NDUFAF6: variants seen among roughly 807,000 people sequenced by gnomAD.
NDUFAF6 encodes NADH:ubiquinone oxidoreductase complex assembly factor 6, also known as NADH dehydrogenase (ubiquinone) complex I, assembly factor 6.
A neutral mutation model predicts 40.8 loss-of-function variants in NDUFAF6; 45 were observed. That is an observed-to-expected ratio of 1.10 (90% CI 0.87 to 1.42). The LOEUF (loss-of-function observed/expected upper bound fraction) is 1.42, where lower values mean the gene tolerates loss of function less well. Among genes scored for constraint, NDUFAF6 ranks in the 40% most tolerant of loss-of-function variants. NDUFAF6 has a pLI of 0.00. For missense variants in NDUFAF6, 435 were observed against 418.5 expected, an observed-to-expected ratio of 1.04 and a Z score of -0.34; for synonymous variants, 185 against 155.9, an observed-to-expected ratio of 1.19 and a Z score of -1.39.
At chr8:95,053,925 CTTTTTTTTTT>C (rs71273448) in intron 8 of NDUFAF6, among the ~76,000 whole-genome samples, 12 of 37,042 alleles carry the variant, frequency 3.2e-4, no homozygotes, top group South Asian at 2.0e-3. Flanking sequence ...CCGTGCCCGG[CTTTTTTTTTT>C]TTTTTTTTTT....
At chr8:94,915,293 T>A (rs1382456813) in intron 1 of NDUFAF6, among the ~76,000 whole-genome samples, 1 of 152,176 alleles carries the variant, frequency 6.6e-6, no homozygotes, top group African/African-American at 2.4e-5. Flanking sequence ...AGTATTTAGC[T>A]CTCACTTATG....
At chr8:94,940,275 G>T (rs746313994) in intron 1 of NDUFAF6, 166 of 1,529,232 alleles carry the variant, frequency 1.1e-4, no homozygotes, top group Non-Finnish European at 1.1e-5. Flanking sequence ...TCCCACAGGA[G>T]GATGATTATC....
At chr8:95,106,332 A>G (rs1809843744), downstream of NDUFAF6, among the ~76,000 whole-genome samples, 1 of 152,102 alleles carries the variant, frequency 6.6e-6, no homozygotes, top group African/African-American at 2.4e-5. Flanking sequence ...AATACCGCAC[A>G]TCTACAACCA....
At chr8:94,980,643 G>GGGGGGGGGGGGTT (rs1465220206) in intron 1 of NDUFAF6, among the ~76,000 whole-genome samples, 1 of 97,762 alleles carries the variant, frequency 1.0e-5, no homozygotes, top group Non-Finnish European at 2.0e-5. Context: ...GGGTGGGGGG[G>GGGGGGGGGGGGTT]TCTCACCATG....
At chr8:95,039,555 G>A (rs932304197) in intron 3 of NDUFAF6, among the ~76,000 whole-genome samples, 1 of 151,562 alleles carries the variant, frequency 6.6e-6, no homozygotes, top group African/African-American at 2.4e-5. Flanking sequence ...TGGTATTACA[G>A]GTATTAGCCA....
chr8:94,998,379 T>TACACACACACAC (rs200968954), intron 2 of NDUFAF6, among the ~76,000 whole-genome samples: 35 of 138,328 alleles, frequency 2.5e-4, no homozygotes, highest in African/African-American at 2.6e-4. Context: ...TGCAATCAAA[T>TACACACACACAC]ACACACACAC....
intron 1 of NDUFAF6, among the ~76,000 whole-genome samples, chr8:94,920,995 A>G (rs1006935426): frequency 1.3e-5 from 2 of 152,168 alleles, no homozygotes; most frequent in Non-Finnish European, 2.9e-5. Flanking sequence ...ACTAGCCTTA[A>G]GAAAATTTAA....
intron 1 of NDUFAF6, chr8:94,931,947 G>T: frequency 1.1e-6 from 1 of 912,028 alleles, no homozygotes; most frequent in Non-Finnish European, 1.6e-6. Context: ...ACTCCAGCCT[G>T]AGTGACAGAG....
At position 94,930,532 on chromosome 8, in the gene NDUFAF6, T is replaced by G. The variant is rs774428478; in HGVS notation, c.-935-14951T>G. 6.2e-6 allele frequency: 10 copies of G among 1,614,126 alleles called. No individual in the cohort carries two copies. In the African/African-American group the frequency reaches 6.7e-5, roughly 11 times the overall value. On this transcript the variant is annotated intron_variant, in intron 1 of 14. Coordinates refer to the NDUFAF6 transcript ENST00000396113. ...TGATGAACAACCCAGCCATTGTGCTTGACTTGCCGAGGGTGGCAATCCCTG... is the reference window on the plus strand; with the variant it reads ...TGATGAACAACCCAGCCATTGTGCTGGACTTGCCGAGGGTGGCAATCCCTG...
intron 2 of NDUFAF6, chr8:94,988,410 G>GA: frequency 6.6e-6 from 1 of 152,178 alleles, no homozygotes; most frequent in African/African-American, 2.4e-5. Flanking sequence ...GAACAACAGA[G>GA]AAAAGAAAAA....
chr8:95,110,243 G>A (rs1016437959), intron 4 of NDUFAF6, among the ~76,000 whole-genome samples: 1 of 152,146 alleles, frequency 6.6e-6, no homozygotes, highest in Admixed American at 6.5e-5. Context: ...TTAGTATCTC[G>A]CCTACAACAA....
chr8:95,029,818 C>T (rs898891966), intron 1 of NDUFAF6, among the ~76,000 whole-genome samples: 1 of 152,176 alleles, frequency 6.6e-6, no homozygotes, highest in African/African-American at 2.4e-5. Context: ...TCATATCAGG[C>T]AGCACATGAC....
chr8:95,062,985 G>A (rs374016235), downstream of NDUFAF6, among the ~76,000 whole-genome samples: 2 of 152,164 alleles, frequency 1.3e-5, no homozygotes, highest in East Asian at 3.9e-4. Flanking sequence ...TGTGGTGTCT[G>A]GGCAACACAT....
chr8:94,999,701 G>A (rs1826628764), intron 2 of NDUFAF6, among the ~76,000 whole-genome samples: 1 of 152,196 alleles, frequency 6.6e-6, no homozygotes, highest in African/African-American at 2.4e-5. Flanking sequence ...ACAGGCGTGA[G>A]CCACCACACC....
In NDUFAF6 at chr8:94,978,863, C is replaced by T. The variant is rs182300486; in HGVS notation, c.-198-1996C>T. Among the ~76,000 whole-genome samples the T allele has an allele frequency of 7.9e-5, 12 of 152,300 alleles. No individual in the cohort carries two copies. In the East Asian group the frequency reaches 2.1e-3, roughly 27 times the overall value. ...CTAGGGACTCACTACCTGCAGTTGGCATCTGAAGTTTGGGGGCAGTTTTGT... is the reference window on the plus strand; with the variant it reads ...CTAGGGACTCACTACCTGCAGTTGGTATCTGAAGTTTGGGGGCAGTTTTGT... On this transcript the variant is annotated intron_variant, in intron 1 of 9. Coordinates refer to the NDUFAF6 transcript ENST00000396111.
chr8:94,992,305 G>A (rs909908557), intron 2 of NDUFAF6, among the ~76,000 whole-genome samples: 1 of 152,040 alleles, frequency 6.6e-6, no homozygotes, highest in Non-Finnish European at 1.5e-5. Context: ...TGGCCAACAT[G>A]GTGAAACCCC....
At chr8:95,052,483 C>T (rs533568292) in intron 8 of NDUFAF6, among the ~76,000 whole-genome samples, 1 of 152,310 alleles carries the variant, frequency 6.6e-6, no homozygotes, top group South Asian at 2.1e-4. Flanking sequence ...TGTTTTGCCC[C>T]TTACTAGCAA....
chr8:95,104,183 T>G (rs534245755), downstream of NDUFAF6, among the ~76,000 whole-genome samples: 1 of 152,330 alleles, frequency 6.6e-6, no homozygotes, highest in Admixed American at 6.5e-5. Context: ...TATTTTAAAT[T>G]CTAATTCATT....
chr8:94,917,399 A>C (rs1370093088), intron 1 of NDUFAF6, among the ~76,000 whole-genome samples: 1 of 152,238 alleles, frequency 6.6e-6, no homozygotes, highest in Non-Finnish European at 1.5e-5. Context: ...ACTAGAATCC[A>C]CATTTCTCAG....
Sources: allele counts gnomAD v4.1 joint callset (sites outside exome capture counted in the v4.1 genomes callset), GRCh38; gene constraint gnomAD v4.1.1; transcripts MANE v1.5; gene names NCBI Gene and HGNC (gene_info 2026-07-23, HGNC 2026-07-21).